KCTD5: variants seen among roughly 807,000 people sequenced by gnomAD.
The protein encoded by KCTD5 is BTB/POZ domain-containing protein KCTD5.
Under a neutral mutation model 27.9 loss-of-function variants are expected in KCTD5, and 12 were observed. That is an observed-to-expected ratio of 0.43 (90% CI 0.28 to 0.70). The LOEUF (loss-of-function observed/expected upper bound fraction) is 0.70. KCTD5 is among the 30% of genes least tolerant of loss of function. The pLI, the probability that KCTD5 is intolerant of heterozygous loss-of-function variation, is 0.19. For missense variants in KCTD5, 226 were observed against 274.8 expected, an observed-to-expected ratio of 0.82 and a Z score of 1.26; for synonymous variants, 147 against 121.4, an observed-to-expected ratio of 1.21 and a Z score of -1.39.
chr16:2,692,809 C>G (rs1291907996), intron 1 of KCTD5, among the ~76,000 whole-genome samples: 1 of 152,254 alleles, frequency 6.6e-6, no homozygotes, highest in Non-Finnish European at 1.5e-5. Context: ...AAGATCGGAG[C>G]AGGCACCAAC....
At chr16:2,698,115 T>C in intron 3 of KCTD5, 118 bp downstream of exon 3, 1 of 677,826 alleles carries the variant, frequency 1.5e-6, no homozygotes, top group Non-Finnish European at 2.6e-6. Flanking sequence ...TCTCCTACCC[T>C]GAGACCCTTG....
rs770083272 is a variant in KCTD5, at chr16:2,699,422, G to T, written c.454-399G>T. ...GAGCCTTTTTCTGGTAGCTGGGAGCGAGCTTCGTCTGGCACTGGCTCTCAG... is the reference window on the plus strand; with the variant it reads ...GAGCCTTTTTCTGGTAGCTGGGAGCTAGCTTCGTCTGGCACTGGCTCTCAG... On this transcript the variant is annotated intron_variant, in intron 3 of 5. Coordinates refer to ENST00000301738, the MANE Select transcript of KCTD5 (RefSeq NM_018992.4). 8.4e-6 allele frequency: 3 copies of T among 358,486 alleles called. No homozygotes were observed. The East Asian group carries it at 2.2e-4, about 26-fold the overall frequency. 22.2% of individuals were successfully genotyped at this position (358,486 alleles called of 1,614,324 possible).
At position 2,682,536 on chromosome 16, in the gene KCTD5, G is replaced by A. The variant is rs776772734; in HGVS notation, c.-13G>A. ...TCCGGTGGAAGGGAGCTGTTGCGGG[G>A]CTTGCTGGGATCATGGCGGAGAATC... On this transcript the variant is annotated 5_prime_UTR_variant, in exon 1 of 6. Coordinates refer to ENST00000301738, the MANE Select transcript of KCTD5 (RefSeq NM_018992.4). The A allele has an allele frequency of 2.9e-6, 4 of 1,397,124 alleles. No homozygotes were observed. Among genetic ancestry groups the A allele is most frequent in the Non-Finnish European group, 3.7e-6 (4 of 1,077,782 alleles). 86.5% of individuals were successfully genotyped at this position (1,397,124 alleles called of 1,614,324 possible).
intron 1 of KCTD5, among the ~76,000 whole-genome samples, chr16:2,686,735 G>A (rs1445059863): frequency 2.3e-5 from 3 of 129,534 alleles, no homozygotes; most frequent in Admixed American, 1.6e-4. Flanking sequence ...CAGTCAGGGT[G>A]CCTCTAACAG....
intron 4 of KCTD5, among the ~76,000 whole-genome samples, chr16:2,701,635 C>T (rs374101984): frequency 1.7e-4 from 25 of 149,140 alleles, no homozygotes; most frequent in South Asian, 6.3e-4. Context: ...GGTCCAACTG[C>T]GCAGGTCTTA....
chr16:2,706,300 C>T (rs893775029), intron 5 of KCTD5, among the ~76,000 whole-genome samples: 28 of 152,184 alleles, frequency 1.8e-4, no homozygotes, highest in Non-Finnish European at 4.4e-5. Context: ...TGCCCTCTCT[C>T]CGGTCAGTGC....
At position 2,697,985 on chromosome 16, in the gene KCTD5, C is replaced by G; in HGVS notation, c.441C>G (p.Ser147Arg). Residue 147 changes from serine (S) to arginine (R), a missense_variant, in exon 3 of 6, where the codon AGC becomes AGG. Around this residue, in one of 2 missense-constraint regions of KCTD5, gnomAD observed 135 missense variants for 207.0 expected, o/e 0.65. Transcript: ENST00000301738. ...AGGACAAAATTAGAGAACGAGACAG[C>G]AAAACATCGCAGGTGAGACAAATGA... ...LVKDKIRERD[S>R]KTSQVPVKHV... The G allele has an allele frequency of 6.2e-7, 1 of 1,608,460 alleles. No homozygotes were observed. Among genetic ancestry groups the G allele is most frequent in the Non-Finnish European group, 8.5e-7 (1 of 1,175,118 alleles).
intron 4 of KCTD5, 69 bp downstream of exon 4, chr16:2,699,985 C>G (rs2067603988): frequency 1.4e-5 from 20 of 1,394,936 alleles, no homozygotes; most frequent in East Asian, 2.3e-5. Context: ...TGGCTCAGGG[C>G]TCAGTGCTCC....
chr16:2,698,786 C>T (rs1345068659), intron 3 of KCTD5, among the ~76,000 whole-genome samples: 1 of 152,260 alleles, frequency 6.6e-6, no homozygotes, highest in African/African-American at 2.4e-5. Context: ...CTGGAGCTCC[C>T]TTGGTGCCAC....
rs375487247 is a variant in KCTD5 at position 2,693,017 on chromosome 16, G to A, written c.253-2918G>A. ...TTTGGGTGGGGCGAACCCCAGGGCT[G>A]CAGCCCCAGGCAGCCCCACGCAGAT... On this transcript the variant is annotated intron_variant, in intron 1 of 5. Coordinates refer to ENST00000301738, the MANE Select transcript of KCTD5 (RefSeq NM_018992.4). Among the ~76,000 whole-genome samples the A allele has an allele frequency of 1.4e-4, 21 of 152,360 alleles. No individual in the cohort carries two copies. The East Asian group carries it at 4.1e-3, about 29-fold the overall frequency.
intron 1 of KCTD5, among the ~76,000 whole-genome samples, chr16:2,692,804 C>T (rs563668394): frequency 1.3e-5 from 2 of 152,348 alleles, no homozygotes; most frequent in East Asian, 3.9e-4. Flanking sequence ...GCTCCAAGAT[C>T]GGAGCAGGCA....
rs1486468831 is a variant in KCTD5, at chr16:2,688,241, ATATATTTATTTATT to A, written c.252+5445_252+5458del. On this transcript the variant is annotated intron_variant, in intron 1 of 5. Coordinates refer to ENST00000301738, the MANE Select transcript of KCTD5 (RefSeq NM_018992.4). ...AATAAATAAATAAATATATATATAT[ATATATTTATTTATT>A]TATTTATTTATTTGAGACGGAGTCT... is the stretch of plus-strand genomic sequence containing the variant. Among the ~76,000 whole-genome samples, 5 of 115,326 alleles carry A rather than the reference ATATATTTATTTATT, an allele frequency of 4.3e-5. No individual in the cohort carries two copies. In the South Asian group the frequency reaches 1.1e-3, roughly 25 times the overall value. 75.7% of individuals were successfully genotyped at this position (115,326 alleles called of 152,430 possible).
chr16:2,700,619 C>T (rs1248135035), intron 4 of KCTD5, among the ~76,000 whole-genome samples: 3 of 147,512 alleles, frequency 2.0e-5, no homozygotes, highest in Admixed American at 6.8e-5. Flanking sequence ...ACAGTGACCT[C>T]ACCCAGCCCT....
chr16:2,703,971 A>C (rs2067623678), intron 5 of KCTD5, among the ~76,000 whole-genome samples: 2 of 152,060 alleles, frequency 1.3e-5, no homozygotes, highest in Non-Finnish European at 2.9e-5. Context: ...AAATGGTTTT[A>C]TTTTTAGAAG....
chr16:2,689,628 T>A (rs1199076723), intron 1 of KCTD5, among the ~76,000 whole-genome samples: 3 of 150,004 alleles, frequency 2.0e-5, no homozygotes, highest in African/African-American at 7.3e-5. Context: ...GGGTTCAGAA[T>A]CTGGCGTGAG....
At chr16:2,699,150 C>T (rs756641674) in intron 3 of KCTD5, 87 of 456,000 alleles carry the variant, frequency 1.9e-4, no homozygotes, top group Non-Finnish European at 9.7e-5. Flanking sequence ...GCTGCGTTTC[C>T]GTCCAGCCCC....
At chr16:2,687,116 G>A (rs1220470107) in intron 1 of KCTD5, among the ~76,000 whole-genome samples, 1 of 152,200 alleles carries the variant, frequency 6.6e-6, no homozygotes, top group African/African-American at 2.4e-5. Flanking sequence ...AGCAGGTGCT[G>A]GTCCTCAGCA....
chr16:2,708,889 G>T lies in KCTD5; in HGVS notation c.*1562G>T, dbSNP rs1049300308. ...AGGCTTGTGGTTTTTTTAATTTAAAGATATTAAGACTTAATTCACTAAAAT... is the reference window on the plus strand; with the variant it reads ...AGGCTTGTGGTTTTTTTAATTTAAATATATTAAGACTTAATTCACTAAAAT... On this transcript the variant is annotated 3_prime_UTR_variant, in exon 6 of 6. Transcript: ENST00000301738. 6.6e-6 allele frequency: 1 copy of T among 152,160 alleles called. No homozygotes were observed. The highest frequency in any genetic ancestry group is 1.5e-5 in the Non-Finnish European group (1 of 68,024). The allele number at this position is 152,160 out of a possible 1,614,324, so 9.4% of individuals were successfully genotyped here. A position where few individuals can be genotyped will look rare whatever the true frequency, so the allele number is the denominator to read the frequency against.
chr16:2,687,070 T>C (rs11645410), intron 1 of KCTD5, among the ~76,000 whole-genome samples: 76,635 of 152,100 alleles, frequency 0.5, 20,306 homozygotes, highest in African/African-American at 0.64. Flanking sequence ...CGATGGTCCC[T>C]GCGGTGCTGG....
Sources: gnomAD v4.1 joint callset for allele counts (sites outside exome capture counted in the v4.1 genomes callset) on GRCh38, gnomAD v4.1.1 for gene constraint, gnomAD v4.1.1 regional missense constraint, MANE v1.5 for transcripts, NCBI Gene and HGNC (gene_info 2026-07-23, HGNC 2026-07-21) for gene names.